NMNAT3: variants seen among roughly 807,000 people sequenced by gnomAD.
NMNAT3 encodes nicotinamide/nicotinic acid mononucleotide adenylyltransferase 3.
NMNAT3 carries 21 observed loss-of-function variants against 24.8 expected under a neutral mutation model. That is an observed-to-expected ratio of 0.85 (90% confidence interval 0.60 to 1.22). The LOEUF (loss-of-function observed/expected upper bound fraction) is 1.22, where lower values mean the gene tolerates loss of function less well. NMNAT3 is among the 50% of genes most tolerant of loss of function. NMNAT3 has a pLI of 0.00. For missense variants in NMNAT3, 387 were observed against 436.6 expected (o/e 0.89, Z 1.01); for synonymous variants, 136 against 155.2 (o/e 0.88, Z 0.92).
chr3:139,627,814 A>T, intron 2 of NMNAT3, 50 bp from the exon 4 acceptor site: 1 of 654,836 alleles, frequency 1.5e-6, no homozygotes, highest in South Asian at 2.1e-5. Flanking sequence ...TGAGACAATT[A>T]TCCAGATCAG....
rs1369371666 is a variant in NMNAT3, at chr3:139,677,838, C to T, written c.-274G>A. ...CGCCCGAGGTCCGAGAGGGAAACGA[C>T]GTTTGGTCTCGGGACTCAAGGCTGC... On this transcript the variant is annotated 5_prime_UTR_variant, in exon 1 of 7. Transcript: ENST00000643695. 3 of 152,336 alleles carry T rather than the reference C, an allele frequency of 2.0e-5. No homozygotes were observed. The highest frequency in any genetic ancestry group is 2.9e-5 in the Non-Finnish European group (2 of 68,170). The allele number at this position is 152,336 out of a possible 1,614,324, so 9.4% of individuals were successfully genotyped here. A position where few individuals can be genotyped will look rare whatever the true frequency, so the allele number is the denominator to read the frequency against.
At chr3:139,594,761 A>G (rs1166657734) in intron 3 of NMNAT3, among the ~76,000 whole-genome samples, 1 of 152,142 alleles carries the variant, frequency 6.6e-6, no homozygotes, top group African/African-American at 2.4e-5. Context: ...AAATTCAACA[A>G]CCCTTCATGC....
chr3:139,598,651 C>T (rs1025359702), intron 3 of NMNAT3, among the ~76,000 whole-genome samples: 7 of 152,128 alleles, frequency 4.6e-5, no homozygotes, highest in African/African-American at 1.7e-4. Flanking sequence ...CCCAGTTGTG[C>T]TCTGGTGAAA....
chr3:139,612,439 A>G (rs2055269342), intron 3 of NMNAT3, among the ~76,000 whole-genome samples: 1 of 152,178 alleles, frequency 6.6e-6, no homozygotes, highest in Non-Finnish European at 1.5e-5. Flanking sequence ...CACCTTGGCA[A>G]TGAGGTGGGA....
At chr3:139,567,570 G>C (rs1024385289) in intron 6 of NMNAT3, 19 of 152,094 alleles carry the variant, frequency 1.2e-4, no homozygotes, top group Non-Finnish European at 2.2e-4. Flanking sequence ...TTAGCATGAA[G>C]TGTTGTTGAA....
intron 3 of NMNAT3, chr3:139,599,297 C>G (rs2054606898): frequency 4.3e-6 from 3 of 702,204 alleles, no homozygotes; most frequent in African/African-American, 1.7e-5. Flanking sequence ...TGCCTCTTCC[C>G]TTTTGCAGAC....
chr3:139,612,785 G>T (rs755246092), intron 3 of NMNAT3, among the ~76,000 whole-genome samples: 54 of 152,136 alleles, frequency 3.5e-4, no homozygotes, highest in Non-Finnish European at 6.2e-4. Context: ...CCAAAACAGA[G>T]ATATAGACCA....
At chr3:139,577,623 G>A (rs551126660) in intron 5 of NMNAT3, among the ~76,000 whole-genome samples, 1 of 152,244 alleles carries the variant, frequency 6.6e-6, no homozygotes, top group African/African-American at 2.4e-5. Flanking sequence ...AGATAAATGA[G>A]AAATGACTGC....
intron 1 of NMNAT3, among the ~76,000 whole-genome samples, chr3:139,655,471 C>A (rs946149537): frequency 3.3e-5 from 5 of 152,206 alleles, no homozygotes; most frequent in African/African-American, 7.2e-5. Flanking sequence ...CCATAATGCC[C>A]TCTCTTTGAG....
chr3:139,591,822 TCAC>T (rs1216596997), intron 3 of NMNAT3, among the ~76,000 whole-genome samples: 1 of 152,188 alleles, frequency 6.6e-6, no homozygotes, highest in African/African-American at 2.4e-5. Flanking sequence ...CATCTGTACT[TCAC>T]CATCATCAAA....
chr3:139,676,889 A>G (rs372630626), intron 1 of NMNAT3, among the ~76,000 whole-genome samples: 2 of 152,292 alleles, frequency 1.3e-5, no homozygotes, highest in South Asian at 4.1e-4. Flanking sequence ...CAAGCCTTGG[A>G]TGTTTAGTGC....
At chr3:139,607,091 G>C (rs969701263) in intron 3 of NMNAT3, among the ~76,000 whole-genome samples, 1 of 151,740 alleles carries the variant, frequency 6.6e-6, no homozygotes, top group Non-Finnish European at 1.5e-5. Context: ...TTGCTACTGG[G>C]GTTTCATGGT....
Position 139,627,655 on chromosome 3 carries a change from G to T in NMNAT3, c.70C>A (p.Arg24Ser), listed in dbSNP as rs775689705. Residue 24 changes from arginine (R) to serine (S), a missense_variant, in exon 3 of 7, where the codon CGC becomes AGC. Physicochemically the swap from Arg to Ser is moderately radical, Grantham distance 110. Coordinates refer to ENST00000643695, the MANE Select transcript of NMNAT3 (RefSeq NM_001320510.2). ...TGATCTCTGGCCACCTCAAACATGC[G>T]CAGGTGCATGTTGGTGATGGGGTTA... 4.4e-6 allele frequency: 7 copies of T among 1,595,002 alleles called. No homozygotes were observed. The South Asian group carries it at 4.4e-5, about 10-fold the overall frequency.
chr3:139,574,344 A>C (rs1001294309), intron 5 of NMNAT3, among the ~76,000 whole-genome samples: 51 of 152,268 alleles, frequency 3.3e-4, no homozygotes, highest in African/African-American at 1.2e-3. Context: ...CCAGTGAGGA[A>C]TTATGACAGT....
At chr3:139,612,144 G>C (rs1371230425) in intron 3 of NMNAT3, among the ~76,000 whole-genome samples, 1 of 142,320 alleles carries the variant, frequency 7.0e-6, no homozygotes, top group Non-Finnish European at 1.5e-5. Flanking sequence ...TCCAGCTTGG[G>C]CAACAAGAGC....
intron 3 of NMNAT3, among the ~76,000 whole-genome samples, chr3:139,613,474 G>A (rs1343954539): frequency 6.6e-6 from 1 of 152,216 alleles, no homozygotes; most frequent in African/African-American, 2.4e-5. Context: ...TCATTAAAAA[G>A]TCAGGGAACA....
chr3:139,650,327 T>A (rs566357204), intron 1 of NMNAT3, among the ~76,000 whole-genome samples: 91 of 152,336 alleles, frequency 6.0e-4, no homozygotes, highest in African/African-American at 2.1e-3. Context: ...TTAAAGATAC[T>A]GTTACAAAAA....
intron 1 of NMNAT3, among the ~76,000 whole-genome samples, 176 bp from the exon 2 acceptor site, chr3:139,638,238 T>C (rs2056575297): frequency 6.6e-6 from 1 of 152,214 alleles, no homozygotes; most frequent in Non-Finnish European, 1.5e-5. Flanking sequence ...TAAATTTTGT[T>C]TTAACCCCAT....
intron 1 of NMNAT3, among the ~76,000 whole-genome samples, chr3:139,646,777 C>T (rs961018616): frequency 6.6e-6 from 1 of 152,206 alleles, no homozygotes; most frequent in African/African-American, 2.4e-5. Context: ...CATTAGCATT[C>T]ACATGGCAAG....
Sources: allele counts gnomAD v4.1 joint callset (sites outside exome capture counted in the v4.1 genomes callset), GRCh38; gene constraint gnomAD v4.1.1; transcripts MANE v1.5; gene names NCBI Gene and HGNC (gene_info 2026-07-23, HGNC 2026-07-21).